The following DNHD1 variants were observed in gnomAD, a reference collection of about 807,000 sequenced individuals.
The protein encoded by DNHD1 is dynein heavy chain domain-containing protein 1.
A neutral mutation model predicts 458.1 loss-of-function variants in DNHD1; 383 were observed. The observed-to-expected ratio is 0.84, with a 90% CI of 0.77 to 0.91. The LOEUF is 0.91. Ranked by LOEUF, DNHD1 falls within the 40% of genes least tolerant of loss-of-function variation. The pLI, the probability that DNHD1 is intolerant of heterozygous loss-of-function variation, is 0.00. For synonymous variants in DNHD1, 2,203 were observed against 2,376.9 expected, an observed-to-expected ratio of 0.93 and a Z score of 2.13; for missense variants, 5,336 against 5,866.1, an observed-to-expected ratio of 0.91 and a Z score of 2.95.
rs11270441 is a variant in DNHD1, at chr11:6,546,665, C to CCCTACTGCA, written c.5726_5727insCCTACTGCA (p.Ala1909_Ala1910insLeuLeuHis). On this transcript the variant is annotated inframe_insertion, in exon 21 of 43. Coordinates refer to ENST00000254579, the MANE Select transcript of DNHD1 (RefSeq NM_144666.3). Reference sequence around the variant, plus strand: ...CGCAGCCTAGCTGCCATTGAGGAGGCTGCCCTACTGCGCTCACCACTGTTT... The same window carrying CCCTACTGCA: ...CGCAGCCTAGCTGCCATTGAGGAGGCCCTACTGCATGCCCTACTGCGCTCACCACTGTTT... The CCCTACTGCA allele has an allele frequency of 4.5e-6, 7 of 1,550,654 alleles. No homozygotes were observed. The highest frequency in any genetic ancestry group is 4.1e-5 in the African/African-American group (3 of 73,006).
At chr11:6,535,183 G>A (rs1404567403) in intron 14 of DNHD1, among the ~76,000 whole-genome samples, 1 of 152,134 alleles carries the variant, frequency 6.6e-6, no homozygotes, top group Non-Finnish European at 1.5e-5. Flanking sequence ...TGTTTTATAA[G>A]CTTCCATTTC....
Position 6,565,690 on chromosome 11 carries a change from C to T in DNHD1, c.10757-5C>T, listed in dbSNP as rs1032942056. The T allele has an allele frequency of 6.5e-7, 1 of 1,540,146 alleles. No homozygotes were observed. The highest frequency in any genetic ancestry group is 1.2e-5 in the South Asian group (1 of 81,754). ...GAAGAGCTCCTCTGAATCTTTCTGC[C>T]CCAGGGAAAGGCCTCATGAGAAATC... On this transcript the variant is annotated splice_region_variant and splice_polypyrimidine_tract_variant and intron_variant, in intron 32 of 42. Transcript: ENST00000254579.
Position 6,571,502 on chromosome 11 carries a change from G to C in DNHD1, c.13911+79G>C. 1 of 1,471,090 alleles carries C rather than the reference G, an allele frequency of 6.8e-7. No individual in the cohort carries two copies. Among genetic ancestry groups the C allele is most frequent in the Non-Finnish European group, 9.1e-7 (1 of 1,103,898 alleles). The allele number at this position is 1,471,090 out of a possible 1,614,324, so 91.1% of individuals were successfully genotyped here. A position where few individuals can be genotyped will look rare whatever the true frequency, so the allele number is the denominator to read the frequency against. Reference sequence around the variant, plus strand: ...TACACCTCGCAGTTACCCCTTCTTGGTGATCTTGCCCCCGGTAACCCTGCT... The same window carrying C: ...TACACCTCGCAGTTACCCCTTCTTGCTGATCTTGCCCCCGGTAACCCTGCT... On this transcript the variant is annotated intron_variant, in intron 42 of 42. Coordinates refer to ENST00000254579, the MANE Select transcript of DNHD1 (RefSeq NM_144666.3). The surrounding 1 kb of genome is among the most constrained non-coding windows in gnomAD (Gnocchi z 5.0).
At chr11:6,520,522 A>T in intron 10 of DNHD1, 2 of 1,384,016 alleles carry the variant, frequency 1.4e-6, no homozygotes, top group African/African-American at 2.9e-5. Flanking sequence ...GAGAGGGTGT[A>T]TGAAAGAGTG....
intron 7 of DNHD1, among the ~76,000 whole-genome samples, chr11:6,517,894 T>C (rs1852518722): frequency 6.6e-6 from 1 of 152,142 alleles, no homozygotes; most frequent in African/African-American, 2.4e-5. Flanking sequence ...TAGAATACTT[T>C]ATCCTCTTGG....
intron 3 of DNHD1, 59 bp downstream of exon 3, chr11:6,499,020 G>C: frequency 6.6e-7 from 1 of 1,513,400 alleles, no homozygotes. Context: ...TGTTTTATGG[G>C]TGCCTCTGGG....
chr11:6,528,403 G>GGGTGTGTGT, intron 10 of DNHD1, 119 bp from the exon 11 acceptor site: 1 of 1,160,910 alleles, frequency 8.6e-7, no homozygotes. Context: ...AGCAGCGAAT[G>GGGTGTGTGT]GGTGTGTGTG....
chr11:6,543,985 A>G (rs1007431660), intron 18 of DNHD1, 136 bp from the exon 19 acceptor site: 28 of 477,382 alleles, frequency 5.9e-5, no homozygotes, highest in East Asian at 3.9e-4. Flanking sequence ...AAAAAAAAAA[A>G]GGGAAAGAAA....
Position 6,568,235 on chromosome 11 carries a change from A to AGCCAAGGGTGAGTTTATT in DNHD1, c.12535_12538+14dup, listed in dbSNP as rs1201760846. The AGCCAAGGGTGAGTTTATT allele has an allele frequency of 6.5e-7, 1 of 1,549,182 alleles. No individual in the cohort carries two copies. The highest frequency in any genetic ancestry group is 2.0e-5 in the Admixed American group (1 of 50,898). On this transcript the variant is annotated inframe_insertion, in exon 37 of 43. Transcript: ENST00000254579. ...AGCTCTTGCTGGAACTGTTAGGCAG[A>AGCCAAGGGTGAGTTTATT]GCCAAGGGTGAGTTTATTGCCTAGA...
At chr11:6,523,019 A>C (rs1279347853) in intron 10 of DNHD1, among the ~76,000 whole-genome samples, 4 of 152,240 alleles carry the variant, frequency 2.6e-5, no homozygotes, top group African/African-American at 4.8e-5. Context: ...TCTGCAGTTC[A>C]AAACTCAGAA....
At position 6,569,913 on chromosome 11, in the gene DNHD1, G is replaced by A. The variant is rs150861235; in HGVS notation, c.12864-96G>A. 23 of 1,035,398 alleles carry A rather than the reference G, an allele frequency of 2.2e-5. No individual in the cohort carries two copies. In the East Asian group the frequency reaches 3.6e-4, roughly 16 times the overall value. 64.1% of individuals were successfully genotyped at this position (1,035,398 alleles called of 1,614,324 possible). On this transcript the variant is annotated intron_variant, in intron 39 of 42. Transcript: ENST00000254579. The stretch of plus-strand genomic sequence containing the variant: ...TGAGGTGCCAAGTGGCAATGAACCC[G>A]AAGCTCAGGAGAGAGGTTTGAACTG...
In DNHD1 at chr11:6,551,856, G is replaced by A. The variant is rs182518347; in HGVS notation, c.7387+2923G>A. On this transcript the variant is annotated intron_variant, in intron 24 of 42. Coordinates refer to ENST00000254579, the MANE Select transcript of DNHD1 (RefSeq NM_144666.3). ...CTCGGGAGGCTGAGGCAGGAGAATTGCTTGAACCAGGGAGGTGGAAGTTGC... is the reference window on the plus strand; with the variant it reads ...CTCGGGAGGCTGAGGCAGGAGAATTACTTGAACCAGGGAGGTGGAAGTTGC... 1.1e-4 allele frequency among the ~76,000 whole-genome samples: 15 copies of A among 134,328 alleles called. 2 individuals are homozygous for A. The highest frequency in any genetic ancestry group is 3.1e-4 in the African/African-American group (10 of 32,266). 88.1% of individuals were successfully genotyped at this position (134,328 alleles called of 152,430 possible).
At chr11:6,569,849 G>C (rs529764915) in intron 39 of DNHD1, among the ~76,000 whole-genome samples, 160 bp from the exon 40 acceptor site, 1 of 152,136 alleles carries the variant, frequency 6.6e-6, no homozygotes, top group Non-Finnish European at 1.5e-5. Flanking sequence ...CAGGTTTTGT[G>C]GGGGGAAATG....
chr11:6,520,741 G>C (rs148891289), intron 10 of DNHD1: 2 of 1,003,986 alleles, frequency 2.0e-6, no homozygotes, highest in East Asian at 9.5e-5. Flanking sequence ...ATATTTTATG[G>C]TTACCAATTA....
At chr11:6,559,632 T>G (rs1853544692) in intron 28 of DNHD1, among the ~76,000 whole-genome samples, 1 of 152,242 alleles carries the variant, frequency 6.6e-6, no homozygotes, top group Non-Finnish European at 1.5e-5. Context: ...CACTCACCTC[T>G]TAGAGTTATC....
At chr11:6,499,513 G>A (rs925556602) in intron 3 of DNHD1, among the ~76,000 whole-genome samples, 3 of 152,082 alleles carry the variant, frequency 2.0e-5, no homozygotes, top group Admixed American at 6.5e-5. Context: ...TTCTTGCCCT[G>A]CCAGTGTGGG....
At position 6,571,288 on chromosome 11, in the gene DNHD1, G is replaced by A. The variant is rs1252481579; in HGVS notation, c.13776G>A (p.Leu4592=). 6.2e-7 allele frequency: 1 copy of A among 1,612,332 alleles called. No homozygotes were observed. Among genetic ancestry groups the A allele is most frequent in the African/African-American group, 1.3e-5 (1 of 74,928 alleles). ...HLSAFRHPRR[L]LLALRGEAAL... ...CAGCCTTTCGCCACCCGCGCCGCCT[G>A]CTGCTGGCATTGCGTGGGGAAGCTG... Residue 4592 remains leucine (L), a synonymous_variant, in exon 42 of 43, where the codon CTG becomes CTA. Coordinates refer to ENST00000254579, the MANE Select transcript of DNHD1 (RefSeq NM_144666.3). This position sits in a 1 kb window ranked among gnomAD's most constrained non-coding sequence, Gnocchi z 5.0.
rs1000103635 is a variant in DNHD1 at position 6,548,011 on chromosome 11, C to G, written c.6876C>G (p.Ile2292Met). 3 of 1,551,704 alleles carry G rather than the reference C, an allele frequency of 1.9e-6. No individual in the cohort carries two copies. The East Asian group carries it at 7.3e-5, about 38-fold the overall frequency. ...TCAGCAGTTTTCTTTTTGCCTTGAT[C>G]TGGGGCTTTGGAGCCCACCTTCCCT... ...LAVSSFLFALIWGFGAHLPSR... is the reference protein window; with the variant it reads ...LAVSSFLFALMWGFGAHLPSR... The change falls in exon 22 of 43, where the codon ATC (isoleucine) becomes ATG (methionine). Residue 2292 changes from isoleucine (I) to methionine (M), a missense_variant. Physicochemically the swap from Ile to Met is conservative, Grantham distance 10. Around this residue, in one of 4 missense-constraint regions of DNHD1, gnomAD observed 3,932 missense variants for 4,365.6 expected, o/e 0.90. Transcript: ENST00000254579. The surrounding 1 kb of genome is among the most constrained non-coding windows in gnomAD (Gnocchi z 4.4).
At position 6,547,436 on chromosome 11, in the gene DNHD1, A is replaced by G. The variant is rs1853246644; in HGVS notation, c.6497A>G (p.Tyr2166Cys). 6.4e-7 allele frequency: 1 copy of G among 1,551,534 alleles called. No homozygotes were observed. Among genetic ancestry groups the G allele is most frequent in the African/African-American group, 1.4e-5 (1 of 73,030 alleles). ...ILSALMASLPYEYRLQHRTVA... is the reference protein window; with the variant it reads ...ILSALMASLPCEYRLQHRTVA... ...AGTGCCCTGATGGCATCCCTTCCTT[A>G]TGAGTACCGCCTGCAGCACCGGACA... Residue 2166 changes from tyrosine (Y) to cysteine (C), a missense_variant, in exon 21 of 43, where the codon TAT (tyrosine) becomes TGT (cysteine). Tyr to Cys is a radical substitution (Grantham distance 194). Transcript: ENST00000254579.
Sources: allele counts gnomAD v4.1 joint callset (sites outside exome capture counted in the v4.1 genomes callset), GRCh38; gene constraint gnomAD v4.1.1; regional missense constraint gnomAD v4.1.1; non-coding constraint Gnocchi (gnomAD v3.1); transcripts MANE v1.5; gene names NCBI Gene and HGNC (gene_info 2026-07-23, HGNC 2026-07-21).